The following TMEM106A variants were observed in gnomAD, a reference collection of about 807,000 sequenced individuals.
TMEM106A encodes the protein transmembrane protein 106A.
A neutral mutation model predicts 25.1 loss-of-function variants in TMEM106A; 22 were observed. The observed-to-expected ratio is 0.88, with a 90% CI of 0.63 to 1.25. The LOEUF (loss-of-function observed/expected upper bound fraction) is 1.25. Ranked by LOEUF, TMEM106A falls within the 50% of genes most tolerant of loss-of-function variation. TMEM106A has a pLI of 0.00. For synonymous variants in TMEM106A, 104 were observed against 129.9 expected (o/e 0.80, Z 1.35); for missense variants, 275 against 318.1 (o/e 0.86, Z 1.03).
At chr17:43,213,508 CTG>C (rs1288926844) in intron 3 of TMEM106A, among the ~76,000 whole-genome samples, 3 of 152,218 alleles carry the variant, frequency 2.0e-5, no homozygotes, top group Non-Finnish European at 4.4e-5. Flanking sequence ...CTGAGCAACA[CTG>C]TGTGTCCTAG....
At position 43,219,304 on chromosome 17, in the gene TMEM106A, G is replaced by A. The variant is rs180782815; in HGVS notation, c.*1503G>A. 4 of 152,164 alleles carry A rather than the reference G, an allele frequency of 2.6e-5. No homozygotes were observed. The highest frequency in any genetic ancestry group is 5.9e-5 in the Non-Finnish European group (4 of 68,032). 9.4% of individuals were successfully genotyped at this position (152,164 alleles called of 1,614,324 possible). ...CAATGTGGAGCAGCACATCAGCAGGGACTGGTCTAGACCCTCCCTTTCCTG... is the reference window on the plus strand; with the variant it reads ...CAATGTGGAGCAGCACATCAGCAGGAACTGGTCTAGACCCTCCCTTTCCTG... On this transcript the variant is annotated 3_prime_UTR_variant, in exon 9 of 9. Transcript: ENST00000612339.
In TMEM106A at chr17:43,217,998, T is replaced by G; in HGVS notation, c.*197T>G. 1 of 719,526 alleles carries G rather than the reference T, an allele frequency of 1.4e-6. No individual in the cohort carries two copies. Among genetic ancestry groups the G allele is most frequent in the South Asian group, 2.0e-5 (1 of 49,526 alleles). 44.6% of individuals were successfully genotyped at this position (719,526 alleles called of 1,614,324 possible). A position where few individuals can be genotyped will look rare whatever the true frequency, so the allele number is the denominator to read the frequency against. On this transcript the variant is annotated 3_prime_UTR_variant, in exon 9 of 9. Transcript: ENST00000612339. ...ATACACACACACTCATATCCTCCAG[T>G]TTCCCCCAGATTCTTTCAGGGGCTG...
intron 4 of TMEM106A, among the ~76,000 whole-genome samples, chr17:43,215,463 A>G (rs549259632): frequency 3.9e-5 from 6 of 152,212 alleles, no homozygotes; most frequent in Middle Eastern, 3.4e-3. Context: ...GTATTTTTTC[A>G]TATATTAGCC....
chr17:43,216,156 A>G, intron 5 of TMEM106A: 1 of 682,320 alleles, frequency 1.5e-6, no homozygotes, highest in South Asian at 1.9e-5. Context: ...CGGGCCAGAT[A>G]AGTAAACCAC....
chr17:43,217,773 C>T lies in TMEM106A; in HGVS notation c.761C>T (p.Pro254Leu). 1 of 1,614,104 alleles carries T rather than the reference C, an allele frequency of 6.2e-7. No individual in the cohort carries two copies. The highest frequency in any genetic ancestry group is 8.5e-7 in the Non-Finnish European group (1 of 1,180,010). ...GACTGCCGAGGAAACGCATCTGTGC[C>T]CCACCAGCTGACCCCTCACCCACCA... ...YVDCRGNASV[P>L]HQLTPHPP is the part of the protein sequence containing the mutation. The change falls in exon 9 of 9, where the codon CCC becomes CTC. Residue 254 changes from proline to leucine, a missense_variant. By Grantham distance (98) the Pro-to-Leu change is moderately conservative. Transcript: ENST00000612339.
At position 43,218,121 on chromosome 17, in the gene TMEM106A, C is replaced by T. The variant is rs559728937; in HGVS notation, c.*320C>T. The T allele has an allele frequency of 1.8e-3, 471 of 261,630 alleles. 10 individuals carry two copies. Among genetic ancestry groups the T allele is most frequent in the Non-Finnish European group, 7.8e-4 (106 of 135,164 alleles). 16.2% of individuals were successfully genotyped at this position (261,630 alleles called of 1,614,324 possible). A position where few individuals can be genotyped will look rare whatever the true frequency, so the allele number is the denominator to read the frequency against. On this transcript the variant is annotated 3_prime_UTR_variant, in exon 9 of 9. Transcript: ENST00000612339. Reference sequence around the variant, plus strand: ...TTGGTTTTGAACTCCTGGGCTCAAGCGATCCTCCCTTCTTGGCCTCCCAAA... The same window carrying T: ...TTGGTTTTGAACTCCTGGGCTCAAGTGATCCTCCCTTCTTGGCCTCCCAAA...
At chr17:43,217,461 T>A in intron 8 of TMEM106A, 149 bp downstream of exon 8, 1 of 1,282,444 alleles carries the variant, frequency 7.8e-7, no homozygotes, top group East Asian at 2.3e-5. Flanking sequence ...CTTTTCTGAG[T>A]CTCACCTTGC....
At position 43,213,004 on chromosome 17, in the gene TMEM106A, T is replaced by A. The variant is rs766825125; in HGVS notation, c.-21-17T>A. On this transcript the variant is annotated splice_polypyrimidine_tract_variant and intron_variant, in intron 2 of 8. Transcript: ENST00000612339. ...TGCTAACAAGCTTAGCACTGAACTT[T>A]GGTCTTTTCTCATTAGTGAAACCCC... 1.2e-5 allele frequency: 20 copies of A among 1,606,698 alleles called. No homozygotes were observed. The highest frequency in any genetic ancestry group is 1.6e-5 in the Non-Finnish European group (19 of 1,173,626).
At chr17:43,214,573 A>G (rs1243689201) in intron 4 of TMEM106A, among the ~76,000 whole-genome samples, 1 of 152,126 alleles carries the variant, frequency 6.6e-6, no homozygotes, top group Non-Finnish European at 1.5e-5. Flanking sequence ...AGTCCATCTG[A>G]CATGGAGCTC....
In TMEM106A at chr17:43,217,253, T is replaced by C; in HGVS notation, c.615-6T>C. The C allele has an allele frequency of 6.2e-7, 1 of 1,614,156 alleles. No individual in the cohort carries two copies. On this transcript the variant is annotated splice_polypyrimidine_tract_variant and splice_region_variant and intron_variant, in intron 7 of 8. Transcript: ENST00000612339. ...TGGTCCCACGTTCTCTTTTCTTCTC[T>C]CTCAGCAAAATCTGTACCTGGCTGG...
chr17:43,212,985 C>T (rs2057448656), intron 2 of TMEM106A, 36 bp from the exon 3 acceptor site: 2 of 1,545,520 alleles, frequency 1.3e-6, no homozygotes, highest in Admixed American at 3.4e-5. Context: ...TCAGTGCTAA[C>T]AAGCTTAGCA....
chr17:43,213,357 C>A, intron 3 of TMEM106A, 105 bp downstream of exon 3: 2 of 1,211,262 alleles, frequency 1.7e-6, no homozygotes, highest in Non-Finnish European at 2.4e-6. Flanking sequence ...GTTAGATCTG[C>A]TCCCAGCTCT....
At chr17:43,217,361 A>G (rs752792127) in intron 8 of TMEM106A, 49 bp downstream of exon 8, 16 of 1,598,956 alleles carry the variant, frequency 1.0e-5, no homozygotes, top group Admixed American at 8.3e-5. Context: ...TTCTGACTTC[A>G]TTCTCACTCA....
intron 8 of TMEM106A, 144 bp from the exon 9 acceptor site, chr17:43,217,537 C>G: frequency 6.8e-7 from 1 of 1,463,270 alleles, no homozygotes; most frequent in South Asian, 1.3e-5. Context: ...GGTGGGGCAG[C>G]TGTCCCAGGT....
chr17:43,217,535 A>C, intron 8 of TMEM106A, 146 bp from the exon 9 acceptor site: 1 of 1,456,764 alleles, frequency 6.9e-7, no homozygotes, highest in Non-Finnish European at 9.2e-7. Context: ...CAGGTGGGGC[A>C]GCTGTCCCAG....
chr17:43,214,188 C>CAAAAAAAAAAAA (rs1171744040), intron 4 of TMEM106A, among the ~76,000 whole-genome samples: 8 of 50,240 alleles, frequency 1.6e-4, no homozygotes, highest in Non-Finnish European at 2.8e-4. Context: ...CCATCTCTAT[C>CAAAAAAAAAAAA]AAAAAAAAAA....
intron 8 of TMEM106A, 131 bp from the exon 9 acceptor site, chr17:43,217,550 C>T (rs2057498092): frequency 6.6e-7 from 1 of 1,507,248 alleles, no homozygotes; most frequent in South Asian, 1.3e-5. Flanking sequence ...TCCCAGGTAC[C>T]TTGGCAGAGT....
In TMEM106A at chr17:43,215,828, ACCT is replaced by A. The variant is rs2057479606; in HGVS notation, c.323_325del (p.Ser108del). The stretch of plus-strand genomic sequence containing the variant: ...CCTGGCCGTGCTCATCTGCCTGGTG[ACCT>A]CCTCCTTCATCGTCTTTTTCCTGTT... On this transcript the variant is annotated inframe_deletion, in exon 5 of 9. Transcript: ENST00000612339. 3 of 1,613,230 alleles carry A rather than the reference ACCT, an allele frequency of 1.9e-6. No homozygotes were observed. The highest frequency in any genetic ancestry group is 1.3e-5 in the African/African-American group (1 of 74,608).
Position 43,213,020 on chromosome 17 carries a change from G to A in TMEM106A, c.-21-1G>A. 2 of 1,613,748 alleles carry A rather than the reference G, an allele frequency of 1.2e-6. No homozygotes were observed. Among genetic ancestry groups the A allele is most frequent in the Non-Finnish European group, 1.7e-6 (2 of 1,179,684 alleles). On this transcript the variant is annotated splice_acceptor_variant, in intron 2 of 8. Coordinates refer to ENST00000612339, the MANE Select transcript of TMEM106A (RefSeq NM_145041.4). LOFTEE classifies it low-confidence loss of function (5UTR_SPLICE). Reference sequence around the variant, plus strand: ...ACTGAACTTTGGTCTTTTCTCATTAGTGAAACCCCCGCCCCTGAAGAATGG... The same window carrying A: ...ACTGAACTTTGGTCTTTTCTCATTAATGAAACCCCCGCCCCTGAAGAATGG...
Sources: allele counts gnomAD v4.1 joint callset (sites outside exome capture counted in the v4.1 genomes callset), GRCh38; gene constraint gnomAD v4.1.1; transcripts MANE v1.5; gene names NCBI Gene and HGNC (gene_info 2026-07-23, HGNC 2026-07-21).